FSTL5: variants seen among roughly 807,000 people sequenced by gnomAD.
The protein encoded by FSTL5 is follistatin like 5.
A neutral mutation model predicts 89.1 loss-of-function variants in FSTL5; 62 were observed. That is an observed-to-expected ratio of 0.70 (90% confidence interval 0.57 to 0.86). The LOEUF (loss-of-function observed/expected upper bound fraction) is 0.86, where lower values mean the gene tolerates loss of function less well. FSTL5 is among the 40% of genes least tolerant of loss of function. The pLI, the probability that FSTL5 is intolerant of heterozygous loss-of-function variation, is 0.00. For missense variants in FSTL5, 1,057 were observed against 1,001.6 expected, an observed-to-expected ratio of 1.06 and a Z score of -0.75; for synonymous variants, 383 against 346.2, an observed-to-expected ratio of 1.11 and a Z score of -1.18.
chr4:162,143,067 T>C (rs1481883171), intron 1 of FSTL5, among the ~76,000 whole-genome samples: 3 of 152,170 alleles, frequency 2.0e-5, no homozygotes, highest in Non-Finnish European at 4.4e-5. Flanking sequence ...GTTATGTCTG[T>C]AATTGTGTAG....
intron 3 of FSTL5, among the ~76,000 whole-genome samples, chr4:161,953,992 T>G (rs537041929): frequency 6.6e-6 from 1 of 151,756 alleles, no homozygotes; most frequent in African/African-American, 2.4e-5. Flanking sequence ...TACTGAGATA[T>G]TATATGCTAA....
chr4:161,990,140 A>G (rs1308446795), intron 3 of FSTL5, among the ~76,000 whole-genome samples: 1 of 152,172 alleles, frequency 6.6e-6, no homozygotes, highest in Non-Finnish European at 1.5e-5. Context: ...CAGTTAGTGA[A>G]TTCTATCTAA....
Position 161,695,880 on chromosome 4 carries a change from T to C in FSTL5, c.728-39386A>G, listed in dbSNP as rs370996578. On this transcript the variant is annotated intron_variant, in intron 6 of 15. Coordinates refer to ENST00000306100, the MANE Select transcript of FSTL5 (RefSeq NM_020116.5). Reference sequence around the variant, plus strand: ...ATTAGTCCTTTGTTGGATGTATATATTGAGAAGATTTTTTCCCATCCTGTG... The same window carrying C: ...ATTAGTCCTTTGTTGGATGTATATACTGAGAAGATTTTTTCCCATCCTGTG... 5.9e-5 allele frequency among the ~76,000 whole-genome samples: 9 copies of C among 152,302 alleles called. No individual in the cohort carries two copies. The East Asian group carries it at 7.7e-4, about 13-fold the overall frequency.
At chr4:161,612,699 G>T (rs1433705863) in intron 7 of FSTL5, among the ~76,000 whole-genome samples, 1 of 152,172 alleles carries the variant, frequency 6.6e-6, no homozygotes, top group African/African-American at 2.4e-5. Context: ...AACGTCAGAA[G>T]AAATTTCTTT....
At chr4:161,412,684 G>A (rs1731634534) in intron 15 of FSTL5, among the ~76,000 whole-genome samples, 1 of 151,988 alleles carries the variant, frequency 6.6e-6, no homozygotes, top group Admixed American at 6.6e-5. Flanking sequence ...AAACACAGTA[G>A]ACAAAATAGT....
chr4:161,989,737 G>C (rs747147270), intron 3 of FSTL5, among the ~76,000 whole-genome samples: 27 of 152,078 alleles, frequency 1.8e-4, no homozygotes, highest in Non-Finnish European at 2.1e-4. Flanking sequence ...GGGAAGTTTT[G>C]ACTAAAAAGG....
Position 161,606,514 on chromosome 4 carries a change from G to C in FSTL5, c.895-18939C>G, listed in dbSNP as rs374935556. ...CAAAGTGCTGGGATTACAGGCATGA[G>C]CCACCGCGCCCGGCCCGATTATCTG... On this transcript the variant is annotated intron_variant, in intron 7 of 15. Transcript: ENST00000306100. Among the ~76,000 whole-genome samples the C allele has an allele frequency of 2.9e-3, 446 of 152,196 alleles. 2 individuals are homozygous for C. The highest frequency in any genetic ancestry group is 3.7e-3 in the Non-Finnish European group (249 of 68,008).
At chr4:161,854,753 A>G (rs2126884296) in intron 4 of FSTL5, among the ~76,000 whole-genome samples, 1 of 152,124 alleles carries the variant, frequency 6.6e-6, no homozygotes, top group Admixed American at 6.5e-5. Context: ...AACTCTATAA[A>G]CTATGATACA....
intron 15 of FSTL5, among the ~76,000 whole-genome samples, chr4:161,446,068 T>A (rs1732933420): frequency 6.6e-6 from 1 of 151,996 alleles, no homozygotes; most frequent in Non-Finnish European, 1.5e-5. Flanking sequence ...TATCAGCAGA[T>A]TTACAACTCA....
At chr4:161,777,481 G>A (rs1741452237) in intron 4 of FSTL5, among the ~76,000 whole-genome samples, 1 of 151,916 alleles carries the variant, frequency 6.6e-6, no homozygotes, top group Non-Finnish European at 1.5e-5. Context: ...ACAGTATGAA[G>A]CATCTCAAAA....
chr4:161,403,815 C>A (rs984022145), intron 15 of FSTL5, among the ~76,000 whole-genome samples: 1 of 152,176 alleles, frequency 6.6e-6, no homozygotes, highest in Non-Finnish European at 1.5e-5. Context: ...AAAGGTCTAT[C>A]TGGGCACACA....
At chr4:161,904,614 A>T (rs923695212) in intron 4 of FSTL5, among the ~76,000 whole-genome samples, 2 of 141,358 alleles carry the variant, frequency 1.4e-5, no homozygotes, top group Admixed American at 1.5e-4. Flanking sequence ...AAAGATATTC[A>T]TATTTTTAGA....
intron 4 of FSTL5, among the ~76,000 whole-genome samples, chr4:161,795,827 T>A (rs909753991): frequency 6.6e-6 from 1 of 152,014 alleles, no homozygotes; most frequent in African/African-American, 2.4e-5. Context: ...CAGTACCATA[T>A]TGTTTTGATT....
At chr4:161,586,686 A>G (rs1198618980) in intron 8 of FSTL5, among the ~76,000 whole-genome samples, 1 of 152,200 alleles carries the variant, frequency 6.6e-6, no homozygotes, top group Non-Finnish European at 1.5e-5. Context: ...CCTTACACTT[A>G]GAATGGAAAT....
intron 8 of FSTL5, among the ~76,000 whole-genome samples, chr4:161,563,057 A>T (rs1458438802): frequency 6.6e-6 from 1 of 152,012 alleles, no homozygotes; most frequent in African/African-American, 2.4e-5. Flanking sequence ...CTACAAGGTC[A>T]CATGGTGGCT....
At chr4:161,664,148 G>A (rs1030691198) in intron 6 of FSTL5, among the ~76,000 whole-genome samples, 1 of 152,144 alleles carries the variant, frequency 6.6e-6, no homozygotes, top group Admixed American at 6.5e-5. Context: ...TCTCTGACAC[G>A]GCCTGAAGAC....
intron 4 of FSTL5, among the ~76,000 whole-genome samples, chr4:161,894,956 C>A (rs1733108323): frequency 3.3e-5 from 5 of 152,194 alleles, no homozygotes; most frequent in Admixed American, 3.3e-4. Flanking sequence ...AAAAATCAAT[C>A]ATTATAATAG....
chr4:162,021,706 G>T (rs1737091164), intron 3 of FSTL5, among the ~76,000 whole-genome samples: 1 of 152,114 alleles, frequency 6.6e-6, no homozygotes, highest in Admixed American at 6.6e-5. Context: ...AATGCAGCAT[G>T]TTCTCACTTA....
chr4:161,596,563 T>C (rs1349038193), intron 7 of FSTL5, among the ~76,000 whole-genome samples: 1 of 152,116 alleles, frequency 6.6e-6, no homozygotes, highest in Non-Finnish European at 1.5e-5. Flanking sequence ...ATATGTTCTC[T>C]TCTTGACCAC....
Sources: allele counts gnomAD v4.1 joint callset (sites outside exome capture counted in the v4.1 genomes callset), GRCh38; gene constraint gnomAD v4.1.1; transcripts MANE v1.5; gene names NCBI Gene and HGNC (gene_info 2026-07-23, HGNC 2026-07-21).